The following EFCAB5 variants were observed in gnomAD, a reference collection of about 807,000 sequenced individuals.
EFCAB5 encodes EF-hand calcium-binding domain-containing protein 5.
EFCAB5 carries 131 observed loss-of-function variants against 167.9 expected under a neutral mutation model. The observed-to-expected ratio is 0.78, with a 90% CI of 0.68 to 0.90. The LOEUF (loss-of-function observed/expected upper bound fraction) is 0.90. Ranked by LOEUF, EFCAB5 falls within the 40% of genes least tolerant of loss-of-function variation. The pLI is 0.00. For synonymous variants in EFCAB5, 574 were observed against 602.8 expected (o/e 0.95, Z 0.70); for missense variants, 1,663 against 1,745.2 (o/e 0.95, Z 0.84).
rs375291036 is a variant in EFCAB5, at chr17:30,089,847, T to G, written c.3684-574T>G. 3.5e-4 allele frequency among the ~76,000 whole-genome samples: 53 copies of G among 152,306 alleles called. No individual in the cohort carries two copies. The East Asian group carries it at 5.8e-3, about 17-fold the overall frequency. On this transcript the variant is annotated intron_variant, in intron 19 of 22. Transcript: ENST00000394835. ...CTTTGCCTCAAGGTGGGACAGATTC[T>G]TTGGTACAATTGACCTTTCAGAGCT...
At chr17:30,045,020 A>G (rs926731839) in intron 8 of EFCAB5, among the ~76,000 whole-genome samples, 1 of 152,216 alleles carries the variant, frequency 6.6e-6, no homozygotes, top group African/African-American at 2.4e-5. Context: ...TCTCAAAAAT[A>G]CTATGCTAAG....
At chr17:30,004,557 T>G (rs2068734028) in intron 7 of EFCAB5, among the ~76,000 whole-genome samples, 1 of 152,094 alleles carries the variant, frequency 6.6e-6, no homozygotes, top group South Asian at 2.1e-4. Context: ...AGGAGCTTAG[T>G]CCAAGACAAC....
At position 30,107,981 on chromosome 17, in the gene EFCAB5, A is replaced by G; in HGVS notation, c.4469A>G (p.Tyr1490Cys). ...CCGTTGCCCTCCAAGACTGACAATTATATGTATGCAAAAATGCCAGGGGAA... is the reference window on the plus strand; with the variant it reads ...CCGTTGCCCTCCAAGACTGACAATTGTATGTATGCAAAAATGCCAGGGGAA... ...TPPLPSKTDN[Y>C]MYAKMPGEGL... Residue 1490 changes from tyrosine to cysteine, a missense_variant, in exon 23 of 23, where the codon TAT (tyrosine) becomes TGT (cysteine). By Grantham distance (194) the Tyr-to-Cys change is radical. Coordinates refer to ENST00000394835, the MANE Select transcript of EFCAB5 (RefSeq NM_198529.4). The G allele has an allele frequency of 6.2e-7, 1 of 1,607,856 alleles. No individual in the cohort carries two copies. The highest frequency in any genetic ancestry group is 1.3e-5 in the African/African-American group (1 of 74,752).
intron 4 of EFCAB5, among the ~76,000 whole-genome samples, chr17:29,975,651 T>C (rs1597607961): frequency 6.6e-6 from 1 of 152,330 alleles, no homozygotes; most frequent in South Asian, 2.1e-4. Flanking sequence ...AGTAATTCTT[T>C]TGGAATTAGG....
At chr17:29,952,992 TA>T (rs1203999947) in intron 3 of EFCAB5, among the ~76,000 whole-genome samples, 3 of 152,180 alleles carry the variant, frequency 2.0e-5, no homozygotes, top group African/African-American at 7.2e-5. Flanking sequence ...CACATCTTAA[TA>T]ACTACTTTCC....
rs564024378 is a variant in EFCAB5 at position 29,959,418 on chromosome 17, A to G, written c.191-9373A>G. Among the ~76,000 whole-genome samples the G allele has an allele frequency of 5.9e-5, 9 of 151,752 alleles. No individual in the cohort carries two copies. The South Asian group carries it at 1.9e-3, about 32-fold the overall frequency. ...TCTTCAAGCAGAAGGAGTCTTTTCC[A>G]TGACCACCACAGCTGGGAATGTACT... On this transcript the variant is annotated intron_variant, in intron 3 of 22. Coordinates refer to ENST00000394835, the MANE Select transcript of EFCAB5 (RefSeq NM_198529.4).
At chr17:30,025,050 C>T (rs1252304032) in intron 7 of EFCAB5, among the ~76,000 whole-genome samples, 1 of 152,064 alleles carries the variant, frequency 6.6e-6, no homozygotes, top group Non-Finnish European at 1.5e-5. Flanking sequence ...GGATTAAAGA[C>T]TTAAACGTTA....
intron 19 of EFCAB5, among the ~76,000 whole-genome samples, chr17:30,090,098 T>C (rs1333156453): frequency 3.3e-5 from 5 of 151,992 alleles, no homozygotes; most frequent in Admixed American, 3.3e-4. Context: ...TAATGGACAA[T>C]AGGTAAACAA....
At position 30,091,979 on chromosome 17, in the gene EFCAB5, C is replaced by T. The variant is rs745422524; in HGVS notation, c.4046C>T (p.Ser1349Leu). The T allele has an allele frequency of 6.2e-7, 1 of 1,613,942 alleles. No individual in the cohort carries two copies. The highest frequency in any genetic ancestry group is 1.1e-5 in the South Asian group (1 of 91,078). Reference sequence around the variant, plus strand: ...CTACTCAATTCCATGGAATTTGTGTCACTGTTGCTCTATGACCATACTCTT... The same window carrying T: ...CTACTCAATTCCATGGAATTTGTGTTACTGTTGCTCTATGACCATACTCTT... ...IQLLNSMEFV[S>L]LLLYDHTLVT... Residue 1349 changes from serine to leucine, a missense_variant, in exon 21 of 23, where the codon TCA becomes TTA. By Grantham distance (145) the Ser-to-Leu change is moderately radical (BLOSUM62 -2). Coordinates refer to ENST00000394835, the MANE Select transcript of EFCAB5 (RefSeq NM_198529.4).
At chr17:30,100,244 C>T (rs2071362798) in intron 22 of EFCAB5, among the ~76,000 whole-genome samples, 1 of 152,104 alleles carries the variant, frequency 6.6e-6, no homozygotes, top group African/African-American at 2.4e-5. Context: ...ATTCTAGGTT[C>T]CTAGGGTACA....
At position 30,083,242 on chromosome 17, in the gene EFCAB5, G is replaced by A. The variant is rs774735869; in HGVS notation, c.3579+199G>A. On this transcript the variant is annotated intron_variant, in intron 18 of 22. Coordinates refer to ENST00000394835, the MANE Select transcript of EFCAB5 (RefSeq NM_198529.4). ...CAAAAGGGAGAATTAACTGACTCAC[G>A]TGACCAAAATGAAGACAGGGCAGGA... Among the ~76,000 whole-genome samples, 5 of 152,184 alleles carry A rather than the reference G, an allele frequency of 3.3e-5. No homozygotes were observed. The South Asian group carries it at 8.3e-4, about 25-fold the overall frequency.
At chr17:29,952,311 T>G (rs2067528874) in intron 3 of EFCAB5, among the ~76,000 whole-genome samples, 2 of 152,210 alleles carry the variant, frequency 1.3e-5, no homozygotes, top group Admixed American at 6.5e-5. Context: ...CTTTTAATAC[T>G]ATCACATTGG....
chr17:29,981,642 T>G (rs1011711577), intron 4 of EFCAB5, among the ~76,000 whole-genome samples: 1 of 152,228 alleles, frequency 6.6e-6, no homozygotes, highest in Non-Finnish European at 1.5e-5. Flanking sequence ...TAATGCTCAA[T>G]AAATGTTTGT....
intron 4 of EFCAB5, among the ~76,000 whole-genome samples, chr17:29,983,838 T>C (rs992315139): frequency 9.2e-5 from 14 of 152,134 alleles, no homozygotes; most frequent in African/African-American, 2.9e-4. Context: ...TGTTTCTAGA[T>C]ATGGACATCA....
chr17:30,006,002 C>A (rs759850023), intron 7 of EFCAB5, among the ~76,000 whole-genome samples: 1 of 152,208 alleles, frequency 6.6e-6, no homozygotes, highest in South Asian at 2.1e-4. Flanking sequence ...CCCTGCTTCA[C>A]GATATCCCAT....
intron 22 of EFCAB5, among the ~76,000 whole-genome samples, chr17:30,097,393 A>C (rs1007648435): frequency 3.9e-5 from 6 of 152,168 alleles, no homozygotes; most frequent in Admixed American, 2.6e-4. Flanking sequence ...GTCACATAGA[A>C]CTAAAAGCCT....
At chr17:30,009,571 T>G (rs1177890336) in intron 7 of EFCAB5, among the ~76,000 whole-genome samples, 2 of 152,210 alleles carry the variant, frequency 1.3e-5, no homozygotes, top group African/African-American at 4.8e-5. Context: ...AGTACTTCAT[T>G]TCTTTTTATT....
At chr17:29,946,667 T>C (rs1186409565) in intron 3 of EFCAB5, among the ~76,000 whole-genome samples, 1 of 151,936 alleles carries the variant, frequency 6.6e-6, no homozygotes, top group African/African-American at 2.4e-5. Flanking sequence ...CTCGATCTCC[T>C]GACCTCGTGA....
chr17:30,041,585 A>G (rs2069776276), intron 8 of EFCAB5, among the ~76,000 whole-genome samples: 1 of 152,232 alleles, frequency 6.6e-6, no homozygotes, highest in Non-Finnish European at 1.5e-5. Flanking sequence ...ATTATTACAT[A>G]AACTTAGTTG....
Sources: gnomAD v4.1 joint callset for allele counts (sites outside exome capture counted in the v4.1 genomes callset) on GRCh38, gnomAD v4.1.1 for gene constraint, MANE v1.5 for transcripts, NCBI Gene and HGNC (gene_info 2026-07-23, HGNC 2026-07-21) for gene names.